RBFOX1: variants seen among roughly 807,000 people sequenced by gnomAD.
RBFOX1 encodes RNA binding fox-1 homolog 1.
RBFOX1 carries 8 observed loss-of-function variants against 57.7 expected under a neutral mutation model. That is an observed-to-expected ratio of 0.14 (90% CI 0.08 to 0.25). RBFOX1 has a LOEUF of 0.25. RBFOX1 is among the 10% of genes least tolerant of loss of function. The pLI, the probability that RBFOX1 is intolerant of heterozygous loss-of-function variation, is 1.00. For synonymous variants in RBFOX1, 326 were observed against 222.4 expected, an observed-to-expected ratio of 1.47 and a Z score of -4.15; for missense variants, 611 against 548.5, an observed-to-expected ratio of 1.11 and a Z score of -1.14.
At chr16:5,581,989 A>T (rs979822700) in intron 2 of RBFOX1, among the ~76,000 whole-genome samples, 2 of 152,260 alleles carry the variant, frequency 1.3e-5, no homozygotes, top group African/African-American at 4.8e-5. Context: ...ATGCAGGATT[A>T]CATTTAAGCA....
intron 1 of RBFOX1, among the ~76,000 whole-genome samples, chr16:5,256,769 T>A (rs2062599864): frequency 6.6e-6 from 1 of 151,842 alleles, no homozygotes. Context: ...CCCTGCCTCT[T>A]CTAAAAGTAC....
chr16:5,893,422 G>A (rs1294136834), intron 4 of RBFOX1, among the ~76,000 whole-genome samples: 2 of 152,178 alleles, frequency 1.3e-5, no homozygotes, highest in African/African-American at 4.8e-5. Context: ...GAGTCTAACT[G>A]GATTGTTTGT....
intron 2 of RBFOX1, among the ~76,000 whole-genome samples, chr16:6,463,868 C>T (rs138323034): frequency 1.3e-5 from 2 of 152,026 alleles, no homozygotes; most frequent in Non-Finnish European, 2.9e-5. Context: ...GACTAGCTCT[C>T]GCGCCCACCA....
At chr16:6,729,970 T>C (rs1053747526) in intron 3 of RBFOX1, among the ~76,000 whole-genome samples, 1 of 152,044 alleles carries the variant, frequency 6.6e-6, no homozygotes, top group African/African-American at 2.4e-5. Flanking sequence ...CAGATCCTGA[T>C]GCCAACAAAT....
chr16:6,617,272 T>G (rs1004406805), intron 2 of RBFOX1, among the ~76,000 whole-genome samples: 1 of 151,818 alleles, frequency 6.6e-6, no homozygotes, highest in Non-Finnish European at 1.5e-5. Context: ...GTCTAGAGTG[T>G]GAAGGAAAGG....
At position 7,118,573 on chromosome 16, in the gene RBFOX1, A is replaced by G. The variant is rs111343094; in HGVS notation, c.27+66475A>G. On this transcript the variant is annotated intron_variant, in intron 4 of 15. Coordinates refer to ENST00000550418, the MANE Select transcript of RBFOX1 (RefSeq NM_018723.4). ...AAAAGCCACCTGTGCCCCCAAAGCT[A>G]CTGAAATTAAAATAAACCTTATATA... Among the ~76,000 whole-genome samples the G allele has an allele frequency of 7.1e-3, 1,081 of 152,254 alleles. 26 individuals carry two copies. The highest frequency in any genetic ancestry group is 0.025 in the African/African-American group (1,026 of 41,558).
intron 4 of RBFOX1, among the ~76,000 whole-genome samples, chr16:7,489,548 C>G (rs1282491918): frequency 6.6e-6 from 1 of 151,918 alleles, no homozygotes; most frequent in Non-Finnish European, 1.5e-5. Flanking sequence ...TGCTCTGTCA[C>G]TCTGCTGCCC....
At chr16:5,703,799 G>A (rs979367635) in intron 3 of RBFOX1, among the ~76,000 whole-genome samples, 4 of 152,066 alleles carry the variant, frequency 2.6e-5, no homozygotes, top group African/African-American at 9.7e-5. Context: ...ATATATATAT[G>A]TGTACATATT....
At chr16:7,038,578 G>C (rs535089210) in intron 3 of RBFOX1, among the ~76,000 whole-genome samples, 1 of 152,174 alleles carries the variant, frequency 6.6e-6, no homozygotes, top group African/African-American at 2.4e-5. Context: ...TTGTAAAGGT[G>C]CTTACATGTG....
intron 3 of RBFOX1, among the ~76,000 whole-genome samples, chr16:6,818,255 A>C (rs570325839): frequency 6.6e-6 from 1 of 152,126 alleles, no homozygotes; most frequent in Admixed American, 6.5e-5. Context: ...GAGGCTTTAG[A>C]AGTAGGTGCT....
At chr16:7,707,609 C>T (rs2082897069) in intron 14 of RBFOX1, among the ~76,000 whole-genome samples, 1 of 152,272 alleles carries the variant, frequency 6.6e-6, no homozygotes, top group South Asian at 2.1e-4. Context: ...GCTAACAGTA[C>T]AGCTGTTCCC....
intron 4 of RBFOX1, among the ~76,000 whole-genome samples, chr16:7,141,995 C>T (rs975577245): frequency 2.8e-5 from 2 of 71,964 alleles, no homozygotes; most frequent in African/African-American, 5.7e-5. Flanking sequence ...TCTTCTCCTT[C>T]TTCTTCCTCC....
In RBFOX1 at chr16:6,246,272, A is replaced by C. The variant is rs529550059; in HGVS notation, c.-126-70723A>C. On this transcript the variant is annotated intron_variant, in intron 1 of 15. Transcript: ENST00000550418. ...AGTTTCTGGGACATTCTCTCTTGCC[A>C]ATATCTACTTGTTTCCAGCTCTTAG... Among the ~76,000 whole-genome samples the C allele has an allele frequency of 2.8e-3, 428 of 152,282 alleles. 1 individual carries two copies. Among genetic ancestry groups the C allele is most frequent in the Non-Finnish European group, 4.5e-3 (303 of 68,018 alleles).
intron 1 of RBFOX1, among the ~76,000 whole-genome samples, chr16:6,052,517 G>T (rs1055857123): frequency 2.0e-5 from 3 of 152,242 alleles, no homozygotes; most frequent in Middle Eastern, 3.4e-3. Flanking sequence ...GGGCGCGGTG[G>T]CTCACACCTG....
At chr16:5,871,742 A>C (rs540590671) in intron 4 of RBFOX1, among the ~76,000 whole-genome samples, 1 of 152,114 alleles carries the variant, frequency 6.6e-6, no homozygotes, top group African/African-American at 2.4e-5. Flanking sequence ...AAAAAAATTC[A>C]TTTCATTTCA....
chr16:7,477,530 T>C (rs1250392689), intron 4 of RBFOX1, among the ~76,000 whole-genome samples: 1 of 152,110 alleles, frequency 6.6e-6, no homozygotes, highest in Admixed American at 6.5e-5. Context: ...CCTGGCTGAC[T>C]CCCCAAAGAG....
At chr16:7,575,053 G>T (rs942331943) in intron 5 of RBFOX1, among the ~76,000 whole-genome samples, 1 of 151,830 alleles carries the variant, frequency 6.6e-6, no homozygotes, top group South Asian at 2.1e-4. Flanking sequence ...TCTTATTTGG[G>T]GGGGGCTGTG....
At chr16:6,917,047 C>T (rs952718073) in intron 3 of RBFOX1, among the ~76,000 whole-genome samples, 4 of 152,066 alleles carry the variant, frequency 2.6e-5, no homozygotes, top group Non-Finnish European at 4.4e-5. Flanking sequence ...TGGGTTTCAC[C>T]ATGTTGTTGG....
intron 4 of RBFOX1, among the ~76,000 whole-genome samples, chr16:7,251,900 G>T (rs1277555692): frequency 6.6e-6 from 1 of 152,172 alleles, no homozygotes; most frequent in African/African-American, 2.4e-5. Flanking sequence ...AATTTTTTAA[G>T]GAACCTCCAT....
Sources: gnomAD v4.1 joint callset for allele counts (sites outside exome capture counted in the v4.1 genomes callset) on GRCh38, gnomAD v4.1.1 for gene constraint, MANE v1.5 for transcripts, NCBI Gene and HGNC (gene_info 2026-07-23, HGNC 2026-07-21) for gene names.